RABGAP1L: variants seen among roughly 807,000 people sequenced by gnomAD.
The protein encoded by RABGAP1L is RAB GTPase activating protein 1 like.
In RABGAP1L, 63 loss-of-function variants were observed where a neutral mutation model predicts 137.7. The ratio of observed to expected loss-of-function variants is 0.46; its 90% CI spans 0.37 to 0.56. The LOEUF is 0.56. RABGAP1L is among the 20% of genes least tolerant of loss of function. The probability of loss-of-function intolerance (pLI) is 0.00; values close to 1 mark genes in which losing one functional copy is unlikely to be tolerated. For missense variants in RABGAP1L, 1,095 were observed against 1,244.0 expected (o/e 0.88, Z 1.80); for synonymous variants, 431 against 433.7 (o/e 0.99, Z 0.08).
At chr1:174,668,185 G>A (rs1325560694) in intron 14 of RABGAP1L, among the ~76,000 whole-genome samples, 1 of 152,152 alleles carries the variant, frequency 6.6e-6, no homozygotes, top group Non-Finnish European at 1.5e-5. Flanking sequence ...GCATCATGCT[G>A]TACAGTAGAC....
chr1:174,239,075 C>G (rs1021016501), intron 4 of RABGAP1L: 1 of 154,546 alleles, frequency 6.5e-6, no homozygotes, highest in East Asian at 1.9e-4. Context: ...ATAGGGAACT[C>G]CCTGCCCCCT....
chr1:174,576,098 A>G (rs1342066173), intron 13 of RABGAP1L, among the ~76,000 whole-genome samples: 1 of 152,222 alleles, frequency 6.6e-6, no homozygotes, highest in Non-Finnish European at 1.5e-5. Flanking sequence ...TCCGTAACCT[A>G]TGATCAGCAA....
intron 14 of RABGAP1L, 96 bp from the exon 15 acceptor site, chr1:174,683,426 C>T (rs898453372): frequency 1.1e-6 from 1 of 934,924 alleles, no homozygotes; most frequent in Non-Finnish European, 1.6e-6. Context: ...GTTGACAGCC[C>T]AGGGACAGGA....
chr1:174,219,202 T>G lies in RABGAP1L; in HGVS notation c.45T>G (p.Asp15Glu), dbSNP rs1211644052. 6.2e-7 allele frequency: 1 copy of G among 1,605,012 alleles called. No homozygotes were observed. Among genetic ancestry groups the G allele is most frequent in the Admixed American group, 1.7e-5 (1 of 59,442 alleles). ...ASLQKVSGSS[D>E]SVATMNSEEF... The stretch of plus-strand genomic sequence containing the variant: ...TACAGAAGGTTAGTGGATCATCTGA[T>G]TCTGTGGCTACAATGAACAGTGAAG... The change falls in exon 2 of 26, where the codon GAT becomes GAG. Residue 15 changes from aspartate to glutamate, a missense_variant. Around this residue, in one of 4 missense-constraint regions of RABGAP1L, gnomAD observed 356 missense variants for 326.3 expected, o/e 1.09. Coordinates refer to ENST00000681986, the MANE Select transcript of RABGAP1L (RefSeq NM_001366446.1).
At chr1:174,232,892 C>T (rs956681893) in intron 4 of RABGAP1L, among the ~76,000 whole-genome samples, 2 of 152,160 alleles carry the variant, frequency 1.3e-5, no homozygotes, top group Non-Finnish European at 2.9e-5. Context: ...ACTTGTTCTT[C>T]CCCTCTTCGT....
rs60690186 is a variant in RABGAP1L at position 174,772,567 on chromosome 1, CAAAAAAAAAAAA to C, written c.2211+20227_2211+20238del. Reference sequence around the variant, plus strand: ...TGGGCAACAGAGCAAGACTCCATCTCAAAAAAAAAAAAAAAAAAAAAAAAAGTACAGTTTTAA... The same window carrying C: ...TGGGCAACAGAGCAAGACTCCATCTCAAAAAAAAAAAAAGTACAGTTTTAA... On this transcript the variant is annotated intron_variant, in intron 18 of 25. Transcript: ENST00000681986. Among the ~76,000 whole-genome samples the C allele has an allele frequency of 2.9e-3, 156 of 53,078 alleles. 1 individual carries two copies. The highest frequency in any genetic ancestry group is 0.012 in the African/African-American group (143 of 12,174). 34.8% of individuals were successfully genotyped at this position (53,078 alleles called of 152,430 possible).
At chr1:174,638,713 A>T (rs1339197982) in intron 14 of RABGAP1L, among the ~76,000 whole-genome samples, 2 of 144,190 alleles carry the variant, frequency 1.4e-5, no homozygotes, top group Non-Finnish European at 3.0e-5. Flanking sequence ...GCCATAAAAA[A>T]TGATGAGTTC....
chr1:174,713,320 T>A (rs573500385), intron 17 of RABGAP1L, among the ~76,000 whole-genome samples: 1 of 152,328 alleles, frequency 6.6e-6, no homozygotes, highest in South Asian at 2.1e-4. Context: ...GGACAATTTA[T>A]AATTGAGAAT....
chr1:174,456,077 A>G (rs1571891755), intron 13 of RABGAP1L, among the ~76,000 whole-genome samples: 2 of 152,252 alleles, frequency 1.3e-5, no homozygotes, highest in Admixed American at 1.3e-4. Flanking sequence ...AAGAAATTCT[A>G]TGTGAATTTT....
At chr1:174,357,354 T>C (rs745474601) in intron 11 of RABGAP1L, among the ~76,000 whole-genome samples, 1 of 152,174 alleles carries the variant, frequency 6.6e-6, no homozygotes, top group Non-Finnish European at 1.5e-5. Flanking sequence ...TCTTTGTCTC[T>C]CTATTGTTTT....
chr1:174,283,264 A>G lies in RABGAP1L; in HGVS notation c.1323+4485A>G, dbSNP rs1675735945. Among the ~76,000 whole-genome samples, 4 of 151,768 alleles carry G rather than the reference A, an allele frequency of 2.6e-5. No individual in the cohort carries two copies. In the South Asian group the frequency reaches 8.3e-4, roughly 32 times the overall value. ...AAAAAAAGTAAAATAAAATTACCCA[A>G]GCGTGGTGGTGTGCACCTGTGGTCC... is the stretch of plus-strand genomic sequence containing the variant. On this transcript the variant is annotated intron_variant, in intron 10 of 25. Transcript: ENST00000681986.
intron 1 of RABGAP1L, among the ~76,000 whole-genome samples, chr1:174,173,941 G>A (rs555939730): frequency 6.6e-6 from 1 of 151,888 alleles, no homozygotes; most frequent in Non-Finnish European, 1.5e-5. Context: ...AGACTCAGTG[G>A]CAGTACCTCA....
intron 19 of RABGAP1L, among the ~76,000 whole-genome samples, chr1:174,952,339 C>CA (rs59406597): frequency 0.12 from 3,831 of 30,964 alleles, 705 homozygotes; most frequent in African/African-American, 0.42. Flanking sequence ...CTGGCTCTAC[C>CA]AAAAAAAAAA....
chr1:174,205,802 T>G (rs1352518553), intron 1 of RABGAP1L, among the ~76,000 whole-genome samples: 1 of 152,228 alleles, frequency 6.6e-6, no homozygotes, highest in Non-Finnish European at 1.5e-5. Context: ...ATACTTCTTT[T>G]CTTCTGGTAG....
intron 10 of RABGAP1L, among the ~76,000 whole-genome samples, chr1:174,288,447 C>G (rs1190780120): frequency 6.6e-6 from 1 of 152,134 alleles, no homozygotes; most frequent in African/African-American, 2.4e-5. Context: ...TTCTCTCTTT[C>G]ATTTCTGCTG....
At chr1:174,912,633 C>T (rs1263641551) in intron 19 of RABGAP1L, among the ~76,000 whole-genome samples, 1 of 152,144 alleles carries the variant, frequency 6.6e-6, no homozygotes, top group Non-Finnish European at 1.5e-5. Context: ...TTAGATGAGG[C>T]TAATTTGTTG....
chr1:174,371,186 C>T, intron 12 of RABGAP1L, 114 bp downstream of exon 12: 1 of 421,246 alleles, frequency 2.4e-6, no homozygotes, highest in Non-Finnish European at 4.1e-6. Flanking sequence ...TAAAATCTAT[C>T]TTAATATCTT....
Position 174,988,725 on chromosome 1 carries a change from C to G in RABGAP1L, c.2890C>G (p.Gln964Glu). 1 of 1,549,270 alleles carries G rather than the reference C, an allele frequency of 6.5e-7. No homozygotes were observed. The highest frequency in any genetic ancestry group is 8.7e-7 in the Non-Finnish European group (1 of 1,146,326). ...LKLAATGRED[Q>E]GIETDDEKDS... ...ACTAGCAGCCACAGGCAGAGAGGACCAGGGAATTGAAACAGATGATGAGAA... is the reference window on the plus strand; with the variant it reads ...ACTAGCAGCCACAGGCAGAGAGGACGAGGGAATTGAAACAGATGATGAGAA... The change falls in exon 25 of 26, where the codon CAG becomes GAG. Residue 964 changes from glutamine (Q) to glutamate (E), a missense_variant. Physicochemically the swap from Gln to Glu is conservative, Grantham distance 29. Coordinates refer to ENST00000681986, the MANE Select transcript of RABGAP1L (RefSeq NM_001366446.1).
intron 19 of RABGAP1L, among the ~76,000 whole-genome samples, chr1:174,925,539 G>C (rs1453374082): frequency 6.6e-6 from 1 of 151,974 alleles, no homozygotes; most frequent in African/African-American, 2.4e-5. Flanking sequence ...GAGCCAGGTA[G>C]GGGAGGGCTT....
Sources: gnomAD v4.1 joint callset for allele counts (sites outside exome capture counted in the v4.1 genomes callset) on GRCh38, gnomAD v4.1.1 for gene constraint, gnomAD v4.1.1 regional missense constraint, MANE v1.5 for transcripts, NCBI Gene and HGNC (gene_info 2026-07-23, HGNC 2026-07-21) for gene names.